The following MAPK10 variants were observed in gnomAD, a reference collection of about 807,000 sequenced individuals.
The protein encoded by MAPK10 is JNK3 alpha protein kinase.
A neutral mutation model predicts 59.3 loss-of-function variants in MAPK10; 25 were observed. The ratio of observed to expected loss-of-function variants is 0.42; its 90% confidence interval spans 0.31 to 0.59. MAPK10 has a LOEUF of 0.59. Among genes scored for constraint, MAPK10 ranks in the 20% least tolerant of loss-of-function variants. The pLI is 0.15. For synonymous variants in MAPK10, 190 were observed against 200.5 expected, an observed-to-expected ratio of 0.95 and a Z score of 0.44; for missense variants, 351 against 568.9, an observed-to-expected ratio of 0.62 and a Z score of 3.90.
intron 4 of MAPK10, among the ~76,000 whole-genome samples, chr4:86,131,294 G>C (rs2060957081): frequency 6.6e-6 from 1 of 152,060 alleles, no homozygotes; most frequent in South Asian, 2.1e-4. Context: ...TTATTATCTA[G>C]CTAACAGGCA....
At chr4:86,090,656 G>A (rs184209360) in intron 9 of MAPK10, 34 of 152,106 alleles carry the variant, frequency 2.2e-4, no homozygotes, top group African/African-American at 6.0e-4. Context: ...AGAAAAAAAC[G>A]GAAAACATAT....
At chr4:86,224,298 C>T (rs374195807) in intron 2 of MAPK10, among the ~76,000 whole-genome samples, 2 of 152,100 alleles carry the variant, frequency 1.3e-5, no homozygotes, top group Non-Finnish European at 2.9e-5. Context: ...TCAACTGTGA[C>T]AAATGCCGGG....
rs535795605 is a variant in MAPK10, at chr4:86,426,725, C to T, written c.-122+26305G>A. On this transcript the variant is annotated intron_variant, in intron 1 of 13. Transcript: ENST00000361569. ...CCTTTCTGTTCCTACGTCCTGGAAT[C>T]GGATAGCTCTTGTGCAAGTCATTTT... Among the ~76,000 whole-genome samples, 28 of 152,236 alleles carry T rather than the reference C, an allele frequency of 1.8e-4. 1 individual carries two copies. Among genetic ancestry groups the T allele is most frequent in the Middle Eastern group, 3.4e-3 (1 of 294 alleles).
chr4:86,475,596 G>C (rs569315910), intron 1 of MAPK10, among the ~76,000 whole-genome samples: 4 of 152,078 alleles, frequency 2.6e-5, no homozygotes, highest in Non-Finnish European at 5.9e-5. Flanking sequence ...TTAATCATGC[G>C]GGGATGCCTG....
intron 1 of MAPK10, among the ~76,000 whole-genome samples, chr4:86,418,221 A>G (rs1486294398): frequency 6.6e-6 from 1 of 152,226 alleles, no homozygotes; most frequent in Non-Finnish European, 1.5e-5. Context: ...TATTGAGAGC[A>G]TGTACCTAAG....
chr4:86,093,183 A>G (rs1457241644), intron 9 of MAPK10, among the ~76,000 whole-genome samples: 1 of 152,080 alleles, frequency 6.6e-6, no homozygotes, highest in Admixed American at 6.5e-5. Flanking sequence ...AGCTTAAATT[A>G]TGATCCACAA....
At chr4:86,478,242 T>C (rs1014160700) in intron 1 of MAPK10, among the ~76,000 whole-genome samples, 3 of 152,134 alleles carry the variant, frequency 2.0e-5, no homozygotes, top group African/African-American at 7.2e-5. Flanking sequence ...CACTCCTCTT[T>C]CCATTCCTTG....
At position 86,309,272 on chromosome 4, in the gene MAPK10, G is replaced by A. The variant is rs115325361; in HGVS notation, c.-7+45258C>T. 6.4e-3 allele frequency among the ~76,000 whole-genome samples: 971 copies of A among 152,252 alleles called. 9 individuals are homozygous for A. The highest frequency in any genetic ancestry group is 0.021 in the African/African-American group (874 of 41,552). On this transcript the variant is annotated intron_variant, in intron 2 of 13. Coordinates refer to ENST00000641462, the MANE Select transcript of MAPK10 (RefSeq NM_138982.4). Reference sequence around the variant, plus strand: ...AAGCAGTCCCACATTCCCCACTGATGCTGCTCAGCGTGAATATCTCTGCCT... The same window carrying A: ...AAGCAGTCCCACATTCCCCACTGATACTGCTCAGCGTGAATATCTCTGCCT...
rs181905114 is a variant in MAPK10, at chr4:86,047,789, T to A, written c.1111-16358A>T. Among the ~76,000 whole-genome samples, 14 of 152,264 alleles carry A rather than the reference T, an allele frequency of 9.2e-5. No individual in the cohort carries two copies. The East Asian group carries it at 2.7e-3, about 29-fold the overall frequency. On this transcript the variant is annotated intron_variant, in intron 11 of 13. Transcript: ENST00000641462. ...AGTACTTTGAGTTTTGTTATAAATA[T>A]GATAAGAAGCCATTGGAAGATGGGA...
rs369872227 is a variant in MAPK10 at position 86,135,669 on chromosome 4, G to A, written c.236+23629C>T. On this transcript the variant is annotated intron_variant, in intron 4 of 13. Coordinates refer to ENST00000641462, the MANE Select transcript of MAPK10 (RefSeq NM_138982.4). ...AGGAACTCAGTTCCTCACCAGCAACGGAACAAAGCTGGATGGAGAATGACT... is the reference window on the plus strand; with the variant it reads ...AGGAACTCAGTTCCTCACCAGCAACAGAACAAAGCTGGATGGAGAATGACT... Among the ~76,000 whole-genome samples the A allele has an allele frequency of 3.0e-4, 46 of 152,260 alleles. 1 individual carries two copies. The highest frequency in any genetic ancestry group is 1.0e-3 in the South Asian group (5 of 4,822).
At chr4:86,143,601 C>A (rs759520974) in intron 4 of MAPK10, among the ~76,000 whole-genome samples, 2 of 152,176 alleles carry the variant, frequency 1.3e-5, no homozygotes, top group Non-Finnish European at 2.9e-5. Context: ...CAACCAGATT[C>A]TATTTACTAG....
At chr4:86,219,097 A>G (rs532632116) in intron 2 of MAPK10, among the ~76,000 whole-genome samples, 4 of 152,180 alleles carry the variant, frequency 2.6e-5, no homozygotes, top group Non-Finnish European at 4.4e-5. Flanking sequence ...TCAGGAGCAC[A>G]CATGCAAACC....
intron 1 of MAPK10, among the ~76,000 whole-genome samples, chr4:86,582,931 T>C (rs938405247): frequency 2.6e-5 from 4 of 152,092 alleles, no homozygotes; most frequent in Non-Finnish European, 5.9e-5. Context: ...AATATTATTG[T>C]ATTATTCAAA....
At chr4:86,245,539 G>T (rs1210917405) in intron 2 of MAPK10, among the ~76,000 whole-genome samples, 1 of 151,902 alleles carries the variant, frequency 6.6e-6, no homozygotes, top group Non-Finnish European at 1.5e-5. Flanking sequence ...TCACTATATT[G>T]CCCAGGCTGG....
chr4:86,466,014 GAAT>G (rs1258550252), intron 1 of MAPK10, among the ~76,000 whole-genome samples: 2 of 152,310 alleles, frequency 1.3e-5, no homozygotes, highest in East Asian at 3.9e-4. Context: ...CTGACACAGA[GAAT>G]AATTATACTT....
intron 11 of MAPK10, among the ~76,000 whole-genome samples, chr4:86,061,774 C>A (rs534031478): frequency 1.3e-5 from 2 of 152,114 alleles, no homozygotes; most frequent in Non-Finnish European, 2.9e-5. Context: ...GAATTTCCTT[C>A]CCTCCCTAAC....
Position 86,064,298 on chromosome 4 carries a change from T to C in MAPK10, c.1078A>G (p.Asn360Asp), listed in dbSNP as rs776143146. The C allele has an allele frequency of 1.1e-5, 18 of 1,614,020 alleles. No homozygotes were observed. The highest frequency in any genetic ancestry group is 1.4e-5 in the Non-Finnish European group (17 of 1,180,020). Reference protein sequence around the residue: ...VDDALQHPYINVWYDPAEVEA... With the variant: ...VDDALQHPYIDVWYDPAEVEA... ...ACTTCGGCTGGGTCATACCAGACGT[T>C]GATGTAGGGATGCTGTAAGGCGTCG... Residue 360 changes from asparagine to aspartate, a missense_variant, in exon 11 of 14, where the codon AAC becomes GAC. Around this residue, in one of 5 missense-constraint regions of MAPK10, gnomAD observed 155 missense variants for 204.2 expected, o/e 0.76. Coordinates refer to ENST00000641462, the MANE Select transcript of MAPK10 (RefSeq NM_138982.4).
chr4:86,155,718 G>A (rs2067567852), intron 4 of MAPK10, among the ~76,000 whole-genome samples: 1 of 152,036 alleles, frequency 6.6e-6, no homozygotes, highest in African/African-American at 2.4e-5. Flanking sequence ...TCTTTCTGAA[G>A]ACATTAGCAA....
At chr4:86,169,556 G>A (rs956996674) in intron 3 of MAPK10, among the ~76,000 whole-genome samples, 13 of 152,200 alleles carry the variant, frequency 8.5e-5, no homozygotes, top group African/African-American at 2.2e-4. Flanking sequence ...AAGAAATATG[G>A]GACTACGTGA....
Sources: allele counts gnomAD v4.1 joint callset (sites outside exome capture counted in the v4.1 genomes callset), GRCh38; gene constraint gnomAD v4.1.1; regional missense constraint gnomAD v4.1.1; transcripts MANE v1.5; gene names NCBI Gene and HGNC (gene_info 2026-07-23, HGNC 2026-07-21).